KRT14: variants seen among roughly 807,000 people sequenced by gnomAD.
The protein encoded by KRT14 is keratin, type I cytoskeletal 14.
Under a neutral mutation model 44.5 loss-of-function variants are expected in KRT14, and 30 were observed. That is an observed-to-expected ratio of 0.67 (90% CI 0.50 to 0.92). The LOEUF (loss-of-function observed/expected upper bound fraction) is 0.92, where lower values mean the gene tolerates loss of function less well. Ranked by LOEUF, KRT14 falls within the 40% of genes least tolerant of loss-of-function variation. The pLI is 0.00. For synonymous variants in KRT14, 241 were observed against 257.6 expected (o/e 0.94, Z 0.62); for missense variants, 535 against 640.6 (o/e 0.84, Z 1.78).
Position 41,582,386 on chromosome 17 carries a change from T to A in KRT14, c.*49A>T, listed in dbSNP as rs1440821339. 1 of 1,397,904 alleles carries A rather than the reference T, an allele frequency of 7.2e-7. No homozygotes were observed. Among genetic ancestry groups the A allele is most frequent in the African/African-American group, 1.4e-5 (1 of 69,876 alleles). 86.6% of individuals were successfully genotyped at this position (1,397,904 alleles called of 1,614,324 possible). A position where few individuals can be genotyped will look rare whatever the true frequency, so the allele number is the denominator to read the frequency against. ...CAGGAGAGGGGATCTTCCAGTGGGA[T>A]CTGTGTCCACACGGGGGGCCTCCTA... is the stretch of plus-strand genomic sequence containing the variant. On this transcript the variant is annotated 3_prime_UTR_variant, in exon 8 of 8. Transcript: ENST00000167586.
chr17:41,585,925 C>G (rs1423365721), intron 1 of KRT14, among the ~76,000 whole-genome samples: 1 of 152,244 alleles, frequency 6.6e-6, no homozygotes, highest in African/African-American at 2.4e-5. Context: ...TCACTCCTCC[C>G]CTGTGCTGGA....
At chr17:41,585,571 A>G (rs1432861292) in intron 1 of KRT14, among the ~76,000 whole-genome samples, 1 of 152,258 alleles carries the variant, frequency 6.6e-6, no homozygotes, top group African/African-American at 2.4e-5. Context: ...CAGGGGAAGA[A>G]TAAGAAGATA....
chr17:41,586,349 G>A lies in KRT14; in HGVS notation c.486C>T (p.Tyr162=). The change falls in exon 1 of 8, where the codon TAC becomes TAT. Residue 162 remains tyrosine, a synonymous_variant. Transcript: ENST00000167586. ...CCTCAATGGTCTTGAAGTAGGGACTGTAGTCTTTGATCTCAGCAGGCCGCT... is the reference window on the plus strand; with the variant it reads ...CCTCAATGGTCTTGAAGTAGGGACTATAGTCTTTGATCTCAGCAGGCCGCT... ...QRQRPAEIKD[Y]SPYFKTIEDL... 2 of 1,612,842 alleles carry A rather than the reference G, an allele frequency of 1.2e-6. No individual in the cohort carries two copies. Among genetic ancestry groups the A allele is most frequent in the Non-Finnish European group, 1.7e-6 (2 of 1,180,026 alleles).
chr17:41,583,710 G>A (rs780098309), intron 4 of KRT14, 34 bp from the exon 5 acceptor site: 13 of 1,614,078 alleles, frequency 8.1e-6, no homozygotes, highest in Admixed American at 3.3e-5. Context: ...ACACCAGAAG[G>A]CCCCAGAAGG....
At position 41,586,731 on chromosome 17, in the gene KRT14, AGGAC is replaced by A. The variant is rs772548869; in HGVS notation, c.100_103del (p.Val34TrpfsTer83). The A allele has an allele frequency of 6.3e-7, 1 of 1,587,678 alleles. No individual in the cohort carries two copies. On this transcript the variant is annotated frameshift_variant, in exon 1 of 8. Transcript: ENST00000167586. LOFTEE classifies it high-confidence loss of function. ...GGGGGCGCGGCAGGACCCTCCGGCC[AGGAC>A]GGAGGAGATGCGGCTGGAGCCGCCC...
In KRT14 at chr17:41,583,760, C is replaced by G; in HGVS notation, c.927G>C (p.Lys309Asn). The G allele has an allele frequency of 6.2e-7, 1 of 1,614,274 alleles. No homozygotes were observed. Among genetic ancestry groups the G allele is most frequent in the Non-Finnish European group, 8.5e-7 (1 of 1,180,048 alleles). Residue 309 changes from lysine to asparagine, a missense_variant and splice_region_variant, in exon 4 of 8, where the codon AAG (lysine) becomes AAC (asparagine). Lys to Asn is a moderately conservative substitution (Grantham distance 94, BLOSUM62 0). Transcript: ENST00000167586. ...RKDAEEWFFTKTEELNREVAT... is the reference protein window; with the variant it reads ...RKDAEEWFFTNTEELNREVAT... The stretch of plus-strand genomic sequence containing the variant: ...TCCTTCCACCTCAAATGACACCCAC[C>G]TTGGTGAAGAACCATTCCTCGGCAT...
chr17:41,584,508 C>T (rs1907461193), intron 2 of KRT14, 95 bp from the exon 3 acceptor site: 2 of 1,439,772 alleles, frequency 1.4e-6, no homozygotes, highest in Non-Finnish European at 1.9e-6. Context: ...AGAGCTGGTG[C>T]CTTGTGGGTG....
In KRT14 at chr17:41,583,127, GGGA is replaced by G. The variant is rs1567736446; in HGVS notation, c.1285_1287del (p.Ser429del). The G allele has an allele frequency of 3.1e-6, 5 of 1,613,318 alleles. No individual in the cohort carries two copies. The highest frequency in any genetic ancestry group is 4.2e-6 in the Non-Finnish European group (5 of 1,179,978). ...GATGACTGCGATCCAGAGGAGAACT[GGGA>G]GGAGGAGAGGCTGTGAAAATAGAAA... On this transcript the variant is annotated inframe_deletion, in exon 7 of 8. Coordinates refer to ENST00000167586, the MANE Select transcript of KRT14 (RefSeq NM_000526.5).
chr17:41,585,533 C>T (rs927860008), intron 1 of KRT14, among the ~76,000 whole-genome samples: 11 of 152,226 alleles, frequency 7.2e-5, no homozygotes, highest in Non-Finnish European at 1.5e-4. Flanking sequence ...TAAAACCCAA[C>T]TAACACAGGG....
rs538124790 is a variant in KRT14, at chr17:41,586,752, G to T, written c.83C>A (p.Ser28Tyr). The T allele has an allele frequency of 3.7e-5, 58 of 1,585,460 alleles. No individual in the cohort carries two copies. The South Asian group carries it at 6.6e-4, about 18-fold the overall frequency. Residue 28 changes from serine to tyrosine, a missense_variant, in exon 1 of 8, where the codon TCC becomes TAC. Physicochemically the swap from Ser to Tyr is moderately radical, Grantham distance 144. Transcript: ENST00000167586. Reference sequence around the variant, plus strand: ...GGCCAGGACGGAGGAGATGCGGCTGGAGCCGCCCCCGATGCCGCCCCCGAT... The same window carrying T: ...GGCCAGGACGGAGGAGATGCGGCTGTAGCCGCCCCCGATGCCGCCCCCGAT... Reference protein sequence around the residue: ...CGIGGGIGGGSSRISSVLAGG... With the variant: ...CGIGGGIGGGYSRISSVLAGG...
In KRT14 at chr17:41,586,401, A is replaced by G. The variant is rs202024114; in HGVS notation, c.434T>C (p.Val145Ala). ...ALEEANADLE[V>A]KIRDWYQRQR... ...CCTCTGGTACCAGTCACGGATCTTC[A>G]CTTCCAGGTCGGCGTTGGCCTCCTC... is the stretch of plus-strand genomic sequence containing the variant. The change falls in exon 1 of 8, where the codon GTG becomes GCG. Residue 145 changes from valine (V) to alanine (A), a missense_variant. Val to Ala is a moderately conservative substitution (Grantham distance 64). Transcript: ENST00000167586. 1.9e-5 allele frequency: 30 copies of G among 1,613,946 alleles called. No individual in the cohort carries two copies. In the Middle Eastern group the frequency reaches 5.1e-4, roughly 27 times the overall value.
chr17:41,584,335 G>C lies in KRT14; in HGVS notation c.687C>G (p.Thr229=), dbSNP rs113393023. 1 of 1,613,946 alleles carries C rather than the reference G, an allele frequency of 6.2e-7. No individual in the cohort carries two copies. Among genetic ancestry groups the C allele is most frequent in the Admixed American group, 1.7e-5 (1 of 59,984 alleles). The change falls in exon 3 of 8, where the codon ACC becomes ACG. Residue 229 remains threonine, a synonymous_variant. Transcript: ENST00000167586. The part of the protein sequence containing the change: ...NGLRRVLDEL[T]LARADLEMQI... ...GCATCTCCAGGTCAGCTCTGGCCAG[G>C]GTCAGTTCGTCCAGCACCCTGCGCA... is the stretch of plus-strand genomic sequence containing the variant.
chr17:41,582,924 C>T, intron 7 of KRT14, 170 bp downstream of exon 7: 1 of 713,746 alleles, frequency 1.4e-6, no homozygotes, highest in Admixed American at 2.4e-5. Flanking sequence ...CCTCTCCTAG[C>T]CCTAAGGAGG....
chr17:41,586,332 G>T lies in KRT14; in HGVS notation c.503C>A (p.Thr168Asn). 6.2e-7 allele frequency: 1 copy of T among 1,612,446 alleles called. No homozygotes were observed. Among genetic ancestry groups the T allele is most frequent in the South Asian group, 1.1e-5 (1 of 91,002 alleles). ...CACCTTGTTCCTCAGGTCCTCAATG[G>T]TCTTGAAGTAGGGACTGTAGTCTTT... Reference protein sequence around the residue: ...EIKDYSPYFKTIEDLRNKILT... With the variant: ...EIKDYSPYFKNIEDLRNKILT... The change falls in exon 1 of 8, where the codon ACC becomes AAC. Residue 168 changes from threonine (T) to asparagine (N), a missense_variant. Thr to Asn is a moderately conservative substitution (Grantham distance 65). Transcript: ENST00000167586.
intron 7 of KRT14, chr17:41,582,780 G>A: frequency 1.7e-6 from 1 of 604,018 alleles, no homozygotes; most frequent in South Asian, 2.0e-5. Context: ...GCTCACACCT[G>A]GCTGGTTCCA....
At chr17:41,582,700 ATTTC>A (rs1262954658) in intron 7 of KRT14, 168 bp from the exon 8 acceptor site, 1 of 659,600 alleles carries the variant, frequency 1.5e-6, no homozygotes, top group Non-Finnish European at 2.8e-6. Context: ...CCATCAACAC[ATTTC>A]TTTCAGACGA....
rs151161753 is a variant in KRT14 at position 41,583,615 on chromosome 17, T to G, written c.989A>C (p.Glu330Ala). The G allele has an allele frequency of 9.9e-6, 16 of 1,614,194 alleles. No homozygotes were observed. The highest frequency in any genetic ancestry group is 1.3e-5 in the African/African-American group (1 of 75,050). The change falls in exon 5 of 8, where the codon GAG (glutamate) becomes GCG (alanine). Residue 330 changes from glutamate (E) to alanine (A), a missense_variant. Transcript: ENST00000167586. ...CATGGTGCGCCGGAGCTCCGAGATC[T>G]CGCTCTTGCCGCTCTGCACCAGCTC... is the stretch of plus-strand genomic sequence containing the variant. ...NSELVQSGKS[E>A]ISELRRTMQN...
intron 7 of KRT14, 23 bp downstream of exon 7, chr17:41,583,071 C>T: frequency 6.2e-7 from 1 of 1,611,404 alleles, no homozygotes; most frequent in Non-Finnish European, 8.5e-7. Flanking sequence ...GGAGCCCAGG[C>T]CTGCAGAGGA....
rs1400762141 is a variant in KRT14, at chr17:41,582,415, C to T, written c.*20G>A. ...TGTCCACACGGGGGGCCTCCTAGGC[C>T]TGAGCGGGGCTGGGCAGCCTCAGTT... is the stretch of plus-strand genomic sequence containing the variant. On this transcript the variant is annotated 3_prime_UTR_variant, in exon 8 of 8. Coordinates refer to ENST00000167586, the MANE Select transcript of KRT14 (RefSeq NM_000526.5). The T allele has an allele frequency of 6.5e-7, 1 of 1,548,088 alleles. No homozygotes were observed. Among genetic ancestry groups the T allele is most frequent in the African/African-American group, 1.4e-5 (1 of 73,152 alleles).
Sources: allele counts gnomAD v4.1 joint callset (sites outside exome capture counted in the v4.1 genomes callset), GRCh38; gene constraint gnomAD v4.1.1; transcripts MANE v1.5; gene names NCBI Gene and HGNC (gene_info 2026-07-23, HGNC 2026-07-21).